The following RBFOX1 variants were observed in gnomAD, a reference collection of about 807,000 sequenced individuals.
RBFOX1 encodes RNA binding fox-1 homolog 1.
In RBFOX1, 8 loss-of-function variants were observed where a neutral mutation model predicts 57.7. The observed-to-expected ratio is 0.14, with a 90% CI of 0.08 to 0.25. RBFOX1 has a LOEUF of 0.25. Ranked by LOEUF, RBFOX1 falls within the 10% of genes least tolerant of loss-of-function variation. The pLI is 1.00. For missense variants in RBFOX1, 611 were observed against 548.5 expected, an observed-to-expected ratio of 1.11 and a Z score of -1.14; for synonymous variants, 326 against 222.4, an observed-to-expected ratio of 1.47 and a Z score of -4.15.
At chr16:6,601,036 G>GA (rs1213226049) in intron 2 of RBFOX1, among the ~76,000 whole-genome samples, 1 of 151,980 alleles carries the variant, frequency 6.6e-6, no homozygotes, top group Non-Finnish European at 1.5e-5. Flanking sequence ...AGGAATGAAA[G>GA]AAAAAAACAG....
At chr16:7,703,834 A>G (rs575428572) in intron 14 of RBFOX1, among the ~76,000 whole-genome samples, 5 of 152,206 alleles carry the variant, frequency 3.3e-5, no homozygotes, top group Non-Finnish European at 7.3e-5. Context: ...CATAAATTAG[A>G]TCTCAACTCC....
intron 3 of RBFOX1, among the ~76,000 whole-genome samples, chr16:6,984,478 G>A (rs2089767743): frequency 6.6e-6 from 1 of 152,056 alleles, no homozygotes. Context: ...GCCACTGTTA[G>A]GCAGGTTTTG....
chr16:5,311,835 C>T (rs192103928), intron 1 of RBFOX1, among the ~76,000 whole-genome samples: 131 of 152,284 alleles, frequency 8.6e-4, no homozygotes, highest in African/African-American at 2.7e-3. Flanking sequence ...CTAGATGCAG[C>T]TTCAGCAAGC....
intron 4 of RBFOX1, among the ~76,000 whole-genome samples, chr16:7,243,207 C>T (rs1396295060): frequency 1.1e-4 from 17 of 152,140 alleles, no homozygotes; most frequent in African/African-American, 2.7e-4. Flanking sequence ...TCTCTTGCTA[C>T]GTGCCAACAA....
chr16:7,109,394 G>A (rs1002423318), intron 4 of RBFOX1, among the ~76,000 whole-genome samples: 1 of 152,098 alleles, frequency 6.6e-6, no homozygotes, highest in African/African-American at 2.4e-5. Flanking sequence ...AGATTATTGA[G>A]TTACCAACTG....
intron 14 of RBFOX1, among the ~76,000 whole-genome samples, chr16:7,700,423 T>A (rs758498): frequency 0.67 from 101,616 of 152,044 alleles, 34,422 homozygotes; most frequent in South Asian, 0.74. Flanking sequence ...CAGTCAGTGT[T>A]TGACTCTAGA....
chr16:5,889,132 T>G (rs142970796), intron 4 of RBFOX1, among the ~76,000 whole-genome samples: 1 of 152,214 alleles, frequency 6.6e-6, no homozygotes, highest in Non-Finnish European at 1.5e-5. Flanking sequence ...ATGTGTAGGA[T>G]GTGCAGGCTT....
In RBFOX1 at chr16:5,764,008, T is replaced by C. The variant is rs559928056; in HGVS notation, c.319-103295T>C. The stretch of plus-strand genomic sequence containing the variant: ...ACATGCACCTCAAGGGCAGGTACTT[T>C]ATCCTATTCATTGCTGTACCCCCGT... On this transcript the variant is annotated intron_variant, in intron 3 of 19. Transcript: ENST00000641259. Among the ~76,000 whole-genome samples, 9 of 152,352 alleles carry C rather than the reference T, an allele frequency of 5.9e-5. No individual in the cohort carries two copies. The South Asian group carries it at 1.9e-3, about 32-fold the overall frequency.
chr16:7,481,560 C>G (rs1291090349), intron 4 of RBFOX1, among the ~76,000 whole-genome samples: 1 of 152,154 alleles, frequency 6.6e-6, no homozygotes, highest in Non-Finnish European at 1.5e-5. Flanking sequence ...ACTTACCCTT[C>G]AGATGACTAA....
intron 3 of RBFOX1, among the ~76,000 whole-genome samples, chr16:5,712,169 C>G (rs150296981): frequency 6.6e-6 from 1 of 152,128 alleles, no homozygotes; most frequent in Admixed American, 6.5e-5. Flanking sequence ...CGAAAACTGC[C>G]CCCATGATCC....
intron 1 of RBFOX1, among the ~76,000 whole-genome samples, chr16:5,263,687 G>C (rs1261113829): frequency 2.0e-5 from 3 of 152,136 alleles, no homozygotes; most frequent in Non-Finnish European, 4.4e-5. Flanking sequence ...GGCAGAGGAA[G>C]AGGGTCAAGG....
chr16:7,381,256 T>G (rs535989546), intron 4 of RBFOX1, among the ~76,000 whole-genome samples: 1 of 152,336 alleles, frequency 6.6e-6, no homozygotes, highest in South Asian at 2.1e-4. Context: ...GTGGAAATTT[T>G]TATGGGCCCT....
chr16:7,659,778 C>T (rs1239738767), intron 12 of RBFOX1, among the ~76,000 whole-genome samples: 1 of 152,066 alleles, frequency 6.6e-6, no homozygotes, highest in African/African-American at 2.4e-5. Context: ...ATCCAAACAG[C>T]CTCTGAATAG....
Position 6,818,070 on chromosome 16 carries a change from A to G in RBFOX1, c.-16+163420A>G, listed in dbSNP as rs148856748. On this transcript the variant is annotated intron_variant, in intron 3 of 15. Transcript: ENST00000550418. ...TCTCACATGGGCATAAAACTATCTTAGATGTCATGATGTAATTGCATTATT... is the reference window on the plus strand; with the variant it reads ...TCTCACATGGGCATAAAACTATCTTGGATGTCATGATGTAATTGCATTATT... Among the ~76,000 whole-genome samples the G allele has an allele frequency of 3.2e-3, 490 of 152,280 alleles. 1 individual carries two copies. The highest frequency in any genetic ancestry group is 5.2e-3 in the Non-Finnish European group (356 of 68,036).
At chr16:6,779,663 C>G (rs1488797440) in intron 3 of RBFOX1, among the ~76,000 whole-genome samples, 2 of 139,324 alleles carry the variant, frequency 1.4e-5, no homozygotes, top group South Asian at 2.1e-4. Flanking sequence ...TTCTCCATAT[C>G]CTTACCAGCA....
At chr16:6,438,791 A>G (rs1055072463) in intron 2 of RBFOX1, among the ~76,000 whole-genome samples, 3 of 151,834 alleles carry the variant, frequency 2.0e-5, no homozygotes, top group Non-Finnish European at 2.9e-5. Context: ...GCATAATGCT[A>G]CTAGGACATT....
intron 7 of RBFOX1, among the ~76,000 whole-genome samples, chr16:7,594,769 A>G (rs367702773): frequency 2.6e-5 from 4 of 152,342 alleles, no homozygotes; most frequent in African/African-American, 9.6e-5. Flanking sequence ...CAATATGGGT[A>G]CACCTTTCCC....
At chr16:5,718,787 T>A (rs2051815162) in intron 3 of RBFOX1, among the ~76,000 whole-genome samples, 1 of 152,092 alleles carries the variant, frequency 6.6e-6, no homozygotes, top group South Asian at 2.1e-4. Flanking sequence ...TGGGTACCTG[T>A]AATCCCAGCT....
chr16:6,821,012 A>T (rs183575172), intron 3 of RBFOX1, among the ~76,000 whole-genome samples: 3 of 152,326 alleles, frequency 2.0e-5, no homozygotes, highest in African/African-American at 7.2e-5. Context: ...TCTTAGGGTT[A>T]TTATCACTTA....
Sources: gnomAD v4.1 joint callset for allele counts (sites outside exome capture counted in the v4.1 genomes callset) on GRCh38, gnomAD v4.1.1 for gene constraint, MANE v1.5 for transcripts, NCBI Gene and HGNC (gene_info 2026-07-23, HGNC 2026-07-21) for gene names.